Variants in TLR3 observed in about 807,000 individuals in gnomAD.
TLR3 encodes the protein toll-like receptor 3.
A neutral mutation model predicts 66.4 loss-of-function variants in TLR3; 43 were observed. The observed-to-expected ratio is 0.65, with a 90% confidence interval of 0.51 to 0.83. The LOEUF (loss-of-function observed/expected upper bound fraction) is 0.83. Among genes scored for constraint, TLR3 ranks in the 40% least tolerant of loss-of-function variants. The pLI is 0.00. For missense variants in TLR3, 982 were observed against 1,044.6 expected (o/e 0.94, Z 0.83); for synonymous variants, 397 against 397.2 (o/e 1.00, Z 0.01).
At position 186,084,820 on chromosome 4, in the gene TLR3, G is replaced by A; in HGVS notation, c.2662G>A (p.Ala888Thr). 1 of 1,614,012 alleles carries A rather than the reference G, an allele frequency of 6.2e-7. No individual in the cohort carries two copies. Among genetic ancestry groups the A allele is most frequent in the Non-Finnish European group, 8.5e-7 (1 of 1,179,990 alleles). The change falls in exon 5 of 5, where the codon GCC (alanine) becomes ACC (threonine). Residue 888 changes from alanine (A) to threonine (T), a missense_variant. By Grantham distance (58) the Ala-to-Thr change is moderately conservative. Coordinates refer to ENST00000296795, the MANE Select transcript of TLR3 (RefSeq NM_003265.3). The part of the protein sequence containing the change: ...NWPVQKERIG[A>T]FRHKLQVALG... ...GCCAGTTCAGAAAGAACGGATAGGT[G>A]CCTTTCGTCATAAATTGCAAGTAGC...
rs1476300453 is a variant in TLR3, at chr4:186,083,577, G to A, written c.1891G>A (p.Gly631Arg). The change falls in exon 4 of 5, where the codon GGG (glycine) becomes AGG (arginine). Residue 631 changes from glycine (G) to arginine (R), a missense_variant. Gly to Arg is a moderately radical substitution (Grantham distance 125). Transcript: ENST00000296795. The surrounding 1 kb of genome is among the most constrained non-coding windows in gnomAD (Gnocchi z 4.0). ...AACATCCGTTGAGAAGAAGGTTTTCGGGCCAGCTTTCAGGAACCTGACTGA... is the reference window on the plus strand; with the variant it reads ...AACATCCGTTGAGAAGAAGGTTTTCAGGCCAGCTTTCAGGAACCTGACTGA... ...LITSVEKKVF[G>R]PAFRNLTELD... 21 of 1,612,804 alleles carry A rather than the reference G, an allele frequency of 1.3e-5. No individual in the cohort carries two copies. Among genetic ancestry groups the A allele is most frequent in the Middle Eastern group, 1.7e-4 (1 of 6,060 alleles).
chr4:186,082,439 G>A lies in TLR3; in HGVS notation c.753G>A (p.Arg251=), dbSNP rs1287228625. Residue 251 remains arginine, a synonymous_variant, in exon 4 of 5, where the codon CGG becomes CGA. Transcript: ENST00000296795. ...TGGAATTAGCAAACACAAGCATTCG[G>A]AATCTGTCTCTGAGTAACAGCCAGC... ...LCLELANTSI[R]NLSLSNSQLS... 1.2e-6 allele frequency: 2 copies of A among 1,613,914 alleles called. No homozygotes were observed. The highest frequency in any genetic ancestry group is 1.7e-5 in the Admixed American group (1 of 59,982).
intron 2 of TLR3, among the ~76,000 whole-genome samples, chr4:186,078,335 A>G (rs1362771372): frequency 6.6e-6 from 1 of 152,182 alleles, no homozygotes; most frequent in Non-Finnish European, 1.5e-5. Flanking sequence ...CAAAATTTAT[A>G]TAATATGACC....
In TLR3 at chr4:186,082,441, A is replaced by T; in HGVS notation, c.755A>T (p.Asn252Ile). The change falls in exon 4 of 5, where the codon AAT becomes ATT. Residue 252 changes from asparagine to isoleucine, a missense_variant. This residue lies in a region of TLR3 where 313 missense variants were observed against 319.0 expected (regional missense o/e 0.98). Coordinates refer to ENST00000296795, the MANE Select transcript of TLR3 (RefSeq NM_003265.3). ...GAATTAGCAAACACAAGCATTCGGA[A>T]TCTGTCTCTGAGTAACAGCCAGCTG... ...CLELANTSIR[N>I]LSLSNSQLST... 3 of 1,614,122 alleles carry T rather than the reference A, an allele frequency of 1.9e-6. No individual in the cohort carries two copies. Among genetic ancestry groups the T allele is most frequent in the Non-Finnish European group, 2.5e-6 (3 of 1,180,036 alleles).
chr4:186,086,629 C>T lies in TLR3; in HGVS notation c.*1756C>T, dbSNP rs1434189650. 1 of 152,182 alleles carries T rather than the reference C, an allele frequency of 6.6e-6. No homozygotes were observed. Among genetic ancestry groups the T allele is most frequent in the Non-Finnish European group, 1.5e-5 (1 of 68,028 alleles). 9.4% of individuals were successfully genotyped at this position (152,182 alleles called of 1,614,324 possible). ...TGGCATTATAAAATAAAAATCACAA[C>T]TTCTGCTTTTCTTATATGCTTTGTG... On this transcript the variant is annotated 3_prime_UTR_variant, in exon 5 of 5. Transcript: ENST00000296795.
chr4:186,083,299 A>G lies in TLR3; in HGVS notation c.1613A>G (p.Gln538Arg). The G allele has an allele frequency of 6.2e-7, 1 of 1,614,228 alleles. No homozygotes were observed. ...GAGAAACTAGAAATTCTCGATTTGC[A>G]GCATAACAACTTAGCACGGCTCTGG... ...GLEKLEILDL[Q>R]HNNLARLWKH... Residue 538 changes from glutamine (Q) to arginine (R), a missense_variant, in exon 4 of 5, where the codon CAG becomes CGG. Transcript: ENST00000296795. This position sits in a 1 kb window ranked among gnomAD's most constrained non-coding sequence, Gnocchi z 4.0.
rs1293387468 is a variant in TLR3 at position 186,083,974 on chromosome 4, C to G, written c.2288C>G (p.Ala763Gly). The change falls in exon 4 of 5, where the codon GCC becomes GGC. Residue 763 changes from alanine to glycine, a missense_variant. By Grantham distance (60) the Ala-to-Gly change is moderately conservative. Coordinates refer to ENST00000296795, the MANE Select transcript of TLR3 (RefSeq NM_003265.3). This position sits in a 1 kb window ranked among gnomAD's most constrained non-coding sequence, Gnocchi z 4.0. ...GAATATGCAGCATATATAATTCATG[C>G]CTATAAAGATAAGGATTGGGTCTGG... Reference protein sequence around the residue: ...QFEYAAYIIHAYKDKDWVWEH... With the variant: ...QFEYAAYIIHGYKDKDWVWEH... The G allele has an allele frequency of 6.2e-7, 1 of 1,613,812 alleles. No individual in the cohort carries two copies. The highest frequency in any genetic ancestry group is 1.3e-5 in the African/African-American group (1 of 74,864).
chr4:186,078,498 A>G (rs1165840088), intron 2 of TLR3, among the ~76,000 whole-genome samples: 1 of 152,162 alleles, frequency 6.6e-6, no homozygotes, highest in Non-Finnish European at 1.5e-5. Flanking sequence ...TTCTTGCATC[A>G]TAAGTAAAAG....
At chr4:186,080,021 T>C (rs2099303158) in intron 3 of TLR3, among the ~76,000 whole-genome samples, 2 of 152,154 alleles carry the variant, frequency 1.3e-5, no homozygotes, top group African/African-American at 2.4e-5. Flanking sequence ...TCCTGGATCA[T>C]GAAGACAGAC....
At position 186,087,555 on chromosome 4, in the gene TLR3, A is replaced by G. The variant is rs2099304561; in HGVS notation, c.*2682A>G. On this transcript the variant is annotated 3_prime_UTR_variant, in exon 5 of 5. Transcript: ENST00000296795. ...ACTTCTTCCTGTTTTTCACATTGCA[A>G]AACAAAACCCAACTGAATCGACACT... 1 of 152,218 alleles carries G rather than the reference A, an allele frequency of 6.6e-6. No individual in the cohort carries two copies. Among genetic ancestry groups the G allele is most frequent in the Non-Finnish European group, 1.5e-5 (1 of 68,046 alleles). The allele number at this position is 152,218 out of a possible 1,614,324, so 9.4% of individuals were successfully genotyped here.
rs772953712 is a variant in TLR3, at chr4:186,076,690, C to T, written c.71C>T (p.Ser24Phe). 7 of 1,614,188 alleles carry T rather than the reference C, an allele frequency of 4.3e-6. No homozygotes were observed. The highest frequency in any genetic ancestry group is 1.6e-4 in the Middle Eastern group (1 of 6,062). Residue 24 changes from serine (S) to phenylalanine (F), a missense_variant, in exon 2 of 5, where the codon TCC becomes TTC. By Grantham distance (155) the Ser-to-Phe change is radical (BLOSUM62 -2). Transcript: ENST00000296795. ...CCCTTTGGGATGCTGTGTGCATCCTCCACCACCAAGTGCACTGTTAGCCAT... is the reference window on the plus strand; with the variant it reads ...CCCTTTGGGATGCTGTGTGCATCCTTCACCACCAAGTGCACTGTTAGCCAT... ...LLPFGMLCASSTTKCTVSHEV... is the reference protein window; with the variant it reads ...LLPFGMLCASFTTKCTVSHEV...
chr4:186,078,797 G>A, intron 2 of TLR3, 43 bp from the exon 3 acceptor site: 1 of 1,559,464 alleles, frequency 6.4e-7, no homozygotes. Context: ...AACTGTTTTT[G>A]ACAGCAAGAC....
At chr4:186,069,428 G>A (rs907365237) in intron 1 of TLR3, among the ~76,000 whole-genome samples, 180 bp downstream of exon 1, 5 of 152,136 alleles carry the variant, frequency 3.3e-5, no homozygotes, top group Non-Finnish European at 5.9e-5. Context: ...TATGGGCATG[G>A]GAGAAGGGTA....
Position 186,087,719 on chromosome 4 carries a change from T to C in TLR3, c.*2846T>C, listed in dbSNP as rs2099304587. 6.6e-6 allele frequency: 1 copy of C among 152,180 alleles called. No individual in the cohort carries two copies. The highest frequency in any genetic ancestry group is 1.5e-5 in the Non-Finnish European group (1 of 68,032). The allele number at this position is 152,180 out of a possible 1,614,324, so 9.4% of individuals were successfully genotyped here. A position where few individuals can be genotyped will look rare whatever the true frequency, so the allele number is the denominator to read the frequency against. On this transcript the variant is annotated 3_prime_UTR_variant, in exon 5 of 5. Transcript: ENST00000296795. ...CCACTTAGTTTACAATGTCTAATTGTTCAAATATACATCTAGGTTGTAAAG... is the reference window on the plus strand; with the variant it reads ...CCACTTAGTTTACAATGTCTAATTGCTCAAATATACATCTAGGTTGTAAAG...
Position 186,083,834 on chromosome 4 carries a change from T to C in TLR3, c.2148T>C (p.Phe716=), listed in dbSNP as rs2099303931. ...TCAATACCAGTATCCTGTTGATTTT[T>C]ATCTTTATTGTACTTCTCATCCACT... ...FMINTSILLI[F]IFIVLLIHFE... is the part of the protein sequence containing the mutation. The change falls in exon 4 of 5, where the codon TTT becomes TTC. Residue 716 remains phenylalanine, a synonymous_variant. Transcript: ENST00000296795. The surrounding 1 kb of genome is among the most constrained non-coding windows in gnomAD (Gnocchi z 4.0). The C allele has an allele frequency of 6.2e-7, 1 of 1,614,034 alleles. No individual in the cohort carries two copies. Among genetic ancestry groups the C allele is most frequent in the African/African-American group, 1.3e-5 (1 of 74,926 alleles).
chr4:186,076,028 C>T (rs1483655597), intron 1 of TLR3, among the ~76,000 whole-genome samples: 1 of 151,964 alleles, frequency 6.6e-6, no homozygotes, highest in African/African-American at 2.4e-5. Context: ...GTGGCGGGTG[C>T]CTGTAATCCC....
In TLR3 at chr4:186,084,750, C is replaced by T. The variant is rs200609786; in HGVS notation, c.2592C>T (p.Leu864=). The change falls in exon 5 of 5, where the codon CTC becomes CTT. Residue 864 remains leucine (L), a synonymous_variant. Coordinates refer to ENST00000296795, the MANE Select transcript of TLR3 (RefSeq NM_003265.3). ...EIPDYKLNHA[L]CLRRGMFKSH... ...CAGATTATAAACTGAACCATGCACT[C>T]TGTTTGCGAAGAGGAATGTTTAAAT... The T allele has an allele frequency of 5.2e-5, 84 of 1,614,022 alleles. No homozygotes were observed. In the Middle Eastern group the frequency reaches 8.3e-4, roughly 16 times the overall value.
chr4:186,082,445 GTC>G lies in TLR3; in HGVS notation c.763_764del (p.Leu255GlufsTer2), dbSNP rs1323289817. 2 of 1,614,082 alleles carry G rather than the reference GTC, an allele frequency of 1.2e-6. No homozygotes were observed. The highest frequency in any genetic ancestry group is 2.2e-5 in the East Asian group (1 of 44,856). ...TAGCAAACACAAGCATTCGGAATCT[GTC>G]TCTGAGTAACAGCCAGCTGTCCACC... ...ELANTSIRNLSLSNSQLSTTS... is the reference protein window; with the variant it reads ...ELANTSIRNLXLSNSQLSTTS... On this transcript the variant is annotated frameshift_variant, in exon 4 of 5. Coordinates refer to ENST00000296795, the MANE Select transcript of TLR3 (RefSeq NM_003265.3). LOFTEE classifies it high-confidence loss of function.
chr4:186,073,822 T>G (rs148552017), intron 1 of TLR3, among the ~76,000 whole-genome samples: 1 of 151,978 alleles, frequency 6.6e-6, no homozygotes, highest in African/African-American at 2.4e-5. Context: ...ATTTACAAAA[T>G]AGGAATCTGA....
Sources: gnomAD v4.1 joint callset for allele counts (sites outside exome capture counted in the v4.1 genomes callset) on GRCh38, gnomAD v4.1.1 for gene constraint, gnomAD v4.1.1 regional missense constraint, Gnocchi (gnomAD v3.1) non-coding constraint, MANE v1.5 for transcripts, NCBI Gene and HGNC (gene_info 2026-07-23, HGNC 2026-07-21) for gene names.